The following GPATCH2 variants were observed in gnomAD, a reference collection of about 807,000 sequenced individuals.
GPATCH2 encodes G patch domain-containing protein 2.
GPATCH2 carries 51 observed loss-of-function variants against 58.0 expected under a neutral mutation model. The ratio of observed to expected loss-of-function variants is 0.88; its 90% CI spans 0.70 to 1.11. The LOEUF is 1.11. Ranked by LOEUF, GPATCH2 falls within the 50% of genes most tolerant of loss-of-function variation. The pLI, the probability that GPATCH2 is intolerant of heterozygous loss-of-function variation, is 0.00. For missense variants in GPATCH2, 625 were observed against 652.2 expected, an observed-to-expected ratio of 0.96 and a Z score of 0.45; for synonymous variants, 222 against 218.5, an observed-to-expected ratio of 1.02 and a Z score of -0.14.
intron 8 of GPATCH2, among the ~76,000 whole-genome samples, chr1:217,470,456 T>C (rs1282852710): frequency 6.6e-6 from 1 of 152,214 alleles, no homozygotes; most frequent in Non-Finnish European, 1.5e-5. Flanking sequence ...ATATTACTTA[T>C]TTCTAAATGT....
intron 8 of GPATCH2, among the ~76,000 whole-genome samples, chr1:217,475,535 C>T (rs1660929129): frequency 6.6e-6 from 1 of 152,140 alleles, no homozygotes; most frequent in South Asian, 2.1e-4. Flanking sequence ...CATTAAGTTA[C>T]TTGGGGCAGA....
chr1:217,473,280 A>AGTGTGTGTGTGTGTGTGTGTGTGT, intron 8 of GPATCH2, among the ~76,000 whole-genome samples: 1 of 142,312 alleles, frequency 7.0e-6, no homozygotes, highest in South Asian at 2.3e-4. Flanking sequence ...GGTTTAGTTC[A>AGTGTGTGTGTGTGTGTGTGTGTGT]GTGTGTGTGT....
intron 1 of GPATCH2, among the ~76,000 whole-genome samples, chr1:217,629,162 T>C (rs1412902595): frequency 2.0e-5 from 3 of 151,874 alleles, no homozygotes; most frequent in Non-Finnish European, 4.4e-5. Flanking sequence ...ATATAGTAAA[T>C]ATCTGTTCAA....
chr1:217,528,197 G>A (rs185141895), intron 5 of GPATCH2, among the ~76,000 whole-genome samples: 47 of 152,280 alleles, frequency 3.1e-4, no homozygotes, highest in Admixed American at 5.2e-4. Flanking sequence ...TAAGAATATT[G>A]TTCATCCTGT....
At chr1:217,565,931 A>T (rs1205576574) in intron 5 of GPATCH2, among the ~76,000 whole-genome samples, 1 of 151,836 alleles carries the variant, frequency 6.6e-6, no homozygotes, top group South Asian at 2.1e-4. Context: ...GAGAAACCTC[A>T]TCTCTACTAA....
chr1:217,456,108 A>C (rs1237748473), intron 8 of GPATCH2, among the ~76,000 whole-genome samples: 1 of 152,094 alleles, frequency 6.6e-6, no homozygotes, highest in Non-Finnish European at 1.5e-5. Context: ...TCCCTGTGTG[A>C]CCGAATTCTT....
At chr1:217,467,719 A>T (rs904630548) in intron 8 of GPATCH2, among the ~76,000 whole-genome samples, 1 of 152,094 alleles carries the variant, frequency 6.6e-6, no homozygotes. Context: ...ATCCTAACTC[A>T]TTTATCTGAA....
intron 8 of GPATCH2, among the ~76,000 whole-genome samples, chr1:217,469,959 G>A (rs1040218397): frequency 1.3e-5 from 2 of 152,048 alleles, no homozygotes; most frequent in African/African-American, 4.8e-5. Flanking sequence ...TTTGTTTTGG[G>A]AAATATTCTG....
intron 1 of GPATCH2, among the ~76,000 whole-genome samples, chr1:217,627,159 T>C (rs1166593786): frequency 1.3e-5 from 2 of 152,050 alleles, no homozygotes; most frequent in Non-Finnish European, 2.9e-5. Flanking sequence ...CTTGAAAAGA[T>C]TTTTCTGAGG....
At position 217,630,910 on chromosome 1, in the gene GPATCH2, C is replaced by G. The variant is rs373973855; in HGVS notation, c.56+6G>C. The G allele has an allele frequency of 1.3e-6, 2 of 1,586,144 alleles. No individual in the cohort carries two copies. Among genetic ancestry groups the G allele is most frequent in the Non-Finnish European group, 1.7e-6 (2 of 1,171,052 alleles). The stretch of plus-strand genomic sequence containing the variant: ...ACCTCCCCCTCCCCAGGGCCGCCAG[C>G]CTCACCAGCTGTTCCCGGCTGCTGG... On this transcript the variant is annotated splice_donor_region_variant and intron_variant, in intron 1 of 9. Transcript: ENST00000366935.
At chr1:217,483,792 C>G (rs1342424243) in intron 8 of GPATCH2, among the ~76,000 whole-genome samples, 1 of 152,072 alleles carries the variant, frequency 6.6e-6, no homozygotes, top group Non-Finnish European at 1.5e-5. Context: ...GGTGAGGTGT[C>G]CAGTCAAACT....
chr1:217,549,777 AT>A (rs2102665436), intron 5 of GPATCH2, among the ~76,000 whole-genome samples: 1 of 152,330 alleles, frequency 6.6e-6, no homozygotes, highest in South Asian at 2.1e-4. Context: ...TAATCAGCAA[AT>A]CAATCCATAA....
intron 5 of GPATCH2, among the ~76,000 whole-genome samples, chr1:217,524,732 GCACCTGCAATT>G (rs1663736762): frequency 6.7e-6 from 1 of 150,252 alleles, no homozygotes; most frequent in Admixed American, 6.6e-5. Context: ...GTGGCAGCGC[GCACCTGCAATT>G]GCAGGCACTC....
chr1:217,475,656 A>T (rs1258938536), intron 8 of GPATCH2, among the ~76,000 whole-genome samples: 3 of 152,198 alleles, frequency 2.0e-5, no homozygotes, highest in African/African-American at 7.2e-5. Flanking sequence ...TTAGGAGCAC[A>T]GAGAAAATGG....
chr1:217,523,814 ACCTC>A (rs1408413269), intron 5 of GPATCH2, among the ~76,000 whole-genome samples: 1 of 127,932 alleles, frequency 7.8e-6, no homozygotes, highest in Non-Finnish European at 1.6e-5. Flanking sequence ...TGACCCCCCC[ACCTC>A]CCTCCTGGAC....
At chr1:217,597,184 T>C (rs577731155) in intron 5 of GPATCH2, among the ~76,000 whole-genome samples, 1 of 151,298 alleles carries the variant, frequency 6.6e-6, no homozygotes, top group South Asian at 2.1e-4. Flanking sequence ...AAATTAAAGA[T>C]TAGCTGGGCA....
intron 5 of GPATCH2, among the ~76,000 whole-genome samples, chr1:217,578,985 A>C (rs1182621185): frequency 1.3e-5 from 2 of 152,234 alleles, no homozygotes; most frequent in Non-Finnish European, 2.9e-5. Flanking sequence ...GTTTTCACTT[A>C]TAACATCAAA....
At chr1:217,506,264 A>G (rs545322775) in intron 6 of GPATCH2, among the ~76,000 whole-genome samples, 9 of 152,290 alleles carry the variant, frequency 5.9e-5, no homozygotes, top group African/African-American at 1.9e-4. Context: ...ATATGAATTA[A>G]CTTTGGAAAT....
chr1:217,467,408 A>G (rs1196716500), intron 8 of GPATCH2, among the ~76,000 whole-genome samples: 2 of 152,222 alleles, frequency 1.3e-5, no homozygotes, highest in Non-Finnish European at 1.5e-5. Context: ...ACTTTAAAAC[A>G]CAGGAAAATG....
Sources: gnomAD v4.1 joint callset for allele counts (sites outside exome capture counted in the v4.1 genomes callset) on GRCh38, gnomAD v4.1.1 for gene constraint, MANE v1.5 for transcripts, NCBI Gene and HGNC (gene_info 2026-07-23, HGNC 2026-07-21) for gene names.